Variants in DYM observed in about 807,000 individuals in gnomAD.
The protein encoded by DYM is dyggve-Melchior-Clausen syndrome protein.
Under a neutral mutation model 93.1 loss-of-function variants are expected in DYM, and 78 were observed. The observed-to-expected ratio is 0.84, with a 90% CI of 0.70 to 1.01. The LOEUF is 1.01. Among genes scored for constraint, DYM ranks in the 50% least tolerant of loss-of-function variants. The pLI is 0.00. For synonymous variants in DYM, 321 were observed against 319.7 expected, an observed-to-expected ratio of 1.00 and a Z score of -0.04; for missense variants, 789 against 845.0, an observed-to-expected ratio of 0.93 and a Z score of 0.82.
chr18:49,403,010 G>A (rs1305367107), intron 2 of DYM, among the ~76,000 whole-genome samples: 2 of 152,162 alleles, frequency 1.3e-5, no homozygotes, highest in Non-Finnish European at 2.9e-5. Flanking sequence ...CAGCTATGAA[G>A]ATGATATGGC....
At chr18:49,424,063 C>G (rs1318168458) in intron 2 of DYM, among the ~76,000 whole-genome samples, 3 of 152,138 alleles carry the variant, frequency 2.0e-5, no homozygotes, top group Non-Finnish European at 4.4e-5. Flanking sequence ...CAGCTTCATC[C>G]TGATACCAAA....
intron 15 of DYM, among the ~76,000 whole-genome samples, chr18:49,124,279 A>T (rs977458646): frequency 1.3e-5 from 2 of 152,106 alleles, no homozygotes; most frequent in Non-Finnish European, 1.5e-5. Context: ...CTGAGGCAGG[A>T]GGATCACTTG....
intron 17 of DYM, among the ~76,000 whole-genome samples, chr18:49,095,943 C>T (rs904476101): frequency 2.6e-5 from 4 of 152,074 alleles, no homozygotes; most frequent in African/African-American, 9.7e-5. Flanking sequence ...GCTTACACAC[C>T]AAGATCCATC....
At chr18:49,269,384 G>A (rs1268884155) in intron 11 of DYM, among the ~76,000 whole-genome samples, 5 of 152,118 alleles carry the variant, frequency 3.3e-5, no homozygotes, top group Non-Finnish European at 4.4e-5. Flanking sequence ...AGCCACCAAG[G>A]TGAGAAACAG....
intron 6 of DYM, among the ~76,000 whole-genome samples, chr18:49,357,310 G>C (rs776276816): frequency 1.3e-5 from 2 of 152,132 alleles, no homozygotes; most frequent in Non-Finnish European, 2.9e-5. Context: ...ATATGTTTTT[G>C]AGGATGACCT....
At chr18:49,186,988 C>T (rs1311419701) in intron 14 of DYM, among the ~76,000 whole-genome samples, 2 of 146,112 alleles carry the variant, frequency 1.4e-5, no homozygotes, top group East Asian at 2.0e-4. Flanking sequence ...GGTGCGATCT[C>T]GGCTCACTGC....
At chr18:49,367,183 C>T (rs1208082220) in intron 5 of DYM, among the ~76,000 whole-genome samples, 1 of 152,122 alleles carries the variant, frequency 6.6e-6, no homozygotes, top group Non-Finnish European at 1.5e-5. Context: ...GTTCTTGACT[C>T]CTTCAAAATC....
chr18:49,266,911 A>G (rs567836860), intron 11 of DYM, among the ~76,000 whole-genome samples: 1 of 152,322 alleles, frequency 6.6e-6, no homozygotes, highest in South Asian at 2.1e-4. Flanking sequence ...GGAAAAGCAG[A>G]AGGATGTAAA....
At chr18:49,217,372 G>A (rs1178859944) in intron 13 of DYM, among the ~76,000 whole-genome samples, 1 of 152,104 alleles carries the variant, frequency 6.6e-6, no homozygotes, top group Non-Finnish European at 1.5e-5. Flanking sequence ...TAGCAAGGCA[G>A]GCCAACGTTC....
chr18:49,195,916 CT>C (rs540189318), intron 14 of DYM, among the ~76,000 whole-genome samples: 1,129 of 83,904 alleles, frequency 0.013, 5 homozygotes, highest in African/African-American at 0.049. Flanking sequence ...ATGCTACCAT[CT>C]TTTTTTTTTT....
chr18:49,218,096 G>A (rs541078181), intron 13 of DYM, among the ~76,000 whole-genome samples: 1 of 152,084 alleles, frequency 6.6e-6, no homozygotes, highest in East Asian at 1.9e-4. Flanking sequence ...AAAGGCAGGG[G>A]TTGCAATCCT....
chr18:49,209,409 A>T (rs1243881179), intron 14 of DYM, 142 bp downstream of exon 14: 1 of 517,126 alleles, frequency 1.9e-6, no homozygotes, highest in African/African-American at 2.0e-5. Context: ...TCCAGCTATT[A>T]TTTTAAAAAA....
At chr18:49,197,073 T>C (rs1028399864) in intron 14 of DYM, among the ~76,000 whole-genome samples, 3 of 152,114 alleles carry the variant, frequency 2.0e-5, no homozygotes, top group African/African-American at 7.2e-5. Flanking sequence ...GCACCATTCA[T>C]GGAGATGAAA....
intron 11 of DYM, among the ~76,000 whole-genome samples, chr18:49,264,265 T>C (rs542971098): frequency 9.0e-4 from 137 of 152,240 alleles, no homozygotes; most frequent in African/African-American, 3.1e-3. Flanking sequence ...CTTTCAAATA[T>C]GTTCTCATGA....
At chr18:49,441,566 G>A (rs1455667382) in intron 1 of DYM, among the ~76,000 whole-genome samples, 1 of 150,414 alleles carries the variant, frequency 6.6e-6, no homozygotes, top group African/African-American at 2.5e-5. Context: ...GCTATATTAA[G>A]TACAGTTGGG....
chr18:49,353,029 A>C (rs755250659), intron 6 of DYM, among the ~76,000 whole-genome samples: 8 of 152,182 alleles, frequency 5.3e-5, no homozygotes, highest in Non-Finnish European at 1.0e-4. Flanking sequence ...AAAATGTAGA[A>C]ACAAAAAAGT....
chr18:49,190,350 T>A (rs951353528), intron 14 of DYM, among the ~76,000 whole-genome samples: 1 of 152,236 alleles, frequency 6.6e-6, no homozygotes, highest in African/African-American at 2.4e-5. Flanking sequence ...TATGGTTACA[T>A]TGCTATCTTT....
chr18:49,133,319 C>T (rs1313060393), intron 15 of DYM, among the ~76,000 whole-genome samples: 1 of 152,120 alleles, frequency 6.6e-6, no homozygotes, highest in Non-Finnish European at 1.5e-5. Flanking sequence ...TGCACAATAA[C>T]AAAAAATTTT....
At chr18:49,455,273 C>T (rs2082886283) in intron 1 of DYM, among the ~76,000 whole-genome samples, 1 of 152,156 alleles carries the variant, frequency 6.6e-6, no homozygotes, top group Non-Finnish European at 1.5e-5. Flanking sequence ...ATCTAACTGC[C>T]TAACATCTAT....
Sources: gnomAD v4.1 joint callset for allele counts (sites outside exome capture counted in the v4.1 genomes callset) on GRCh38, gnomAD v4.1.1 for gene constraint, MANE v1.5 for transcripts, NCBI Gene and HGNC (gene_info 2026-07-23, HGNC 2026-07-21) for gene names.